CUX1: variants seen among roughly 807,000 people sequenced by gnomAD.
CUX1 encodes cut like homeobox 1.
In CUX1, 31 loss-of-function variants were observed where a neutral mutation model predicts 158.8. The ratio of observed to expected loss-of-function variants is 0.20; its 90% CI spans 0.15 to 0.26. The LOEUF is 0.26. CUX1 is among the 10% of genes least tolerant of loss of function. The pLI is 1.00. For synonymous variants in CUX1, 879 were observed against 862.1 expected (o/e 1.02, Z -0.34); for missense variants, 1,589 against 2,014.6 (o/e 0.79, Z 4.04).
At chr7:102,168,310 G>A (rs1370491925) in intron 9 of CUX1, among the ~76,000 whole-genome samples, 5 of 152,084 alleles carry the variant, frequency 3.3e-5, no homozygotes, top group Non-Finnish European at 5.9e-5. Context: ...GGCAAGGCAG[G>A]CGGCCACCAG....
At chr7:102,279,771 G>C (rs782344291) in intron 18 of CUX1, among the ~76,000 whole-genome samples, 17 of 152,242 alleles carry the variant, frequency 1.1e-4, no homozygotes, top group Admixed American at 2.6e-4. Flanking sequence ...AGCTGCGCCC[G>C]GCCCTGCCTG....
At chr7:101,871,263 TGAG>T (rs1465179721) in intron 1 of CUX1, among the ~76,000 whole-genome samples, 1 of 151,740 alleles carries the variant, frequency 6.6e-6, no homozygotes, top group Non-Finnish European at 1.5e-5. Context: ...GGTCCTGTAG[TGAG>T]GACTAAGAAG....
chr7:102,232,535 G>A (rs1799117336), intron 21 of CUX1, among the ~76,000 whole-genome samples: 1 of 152,092 alleles, frequency 6.6e-6, no homozygotes, highest in Non-Finnish European at 1.5e-5. Flanking sequence ...ACTTTATGGG[G>A]TCAAACGCTG....
chr7:101,999,102 G>A (rs1278529243), intron 2 of CUX1, among the ~76,000 whole-genome samples: 1 of 152,144 alleles, frequency 6.6e-6, no homozygotes, highest in Non-Finnish European at 1.5e-5. Flanking sequence ...CACTGCAGCA[G>A]GAGGGGCCAC....
intron 11 of CUX1, among the ~76,000 whole-genome samples, chr7:102,184,620 C>T (rs1554514785): frequency 4.6e-5 from 7 of 152,304 alleles, no homozygotes; most frequent in African/African-American, 2.4e-5. Context: ...GTAAAGCCCA[C>T]GTGTGTTCCT....
intron 2 of CUX1, among the ~76,000 whole-genome samples, chr7:101,936,771 C>T (rs1563032557): frequency 6.6e-6 from 1 of 152,152 alleles, no homozygotes; most frequent in East Asian, 1.9e-4. Flanking sequence ...GCCCTGGCCA[C>T]GTGGGACCGG....
intron 3 of CUX1, among the ~76,000 whole-genome samples, chr7:102,039,726 G>GC (rs764982628): frequency 1.3e-5 from 2 of 151,030 alleles, no homozygotes; most frequent in South Asian, 4.2e-4. Flanking sequence ...CCTGCCTGAA[G>GC]CCCCCTTCCC....
chr7:102,269,621 G>A (rs996863619), intron 14 of CUX1, among the ~76,000 whole-genome samples: 1 of 121,918 alleles, frequency 8.2e-6, no homozygotes. Context: ...ACGAGTTTTC[G>A]CCATGTTGGC....
intron 2 of CUX1, among the ~76,000 whole-genome samples, chr7:102,015,706 T>C (rs113598861): frequency 2.6e-5 from 4 of 152,348 alleles, no homozygotes; most frequent in African/African-American, 9.6e-5. Context: ...TTATAAAAGT[T>C]CGTGGCTCCT....
At chr7:102,046,553 T>G (rs1380673638) in intron 3 of CUX1, among the ~76,000 whole-genome samples, 1 of 148,870 alleles carries the variant, frequency 6.7e-6, no homozygotes, top group Non-Finnish European at 1.5e-5. Flanking sequence ...TCCTGTTCTG[T>G]TTTGGTTTGG....
chr7:101,888,278 C>T (rs1800471210), intron 1 of CUX1, among the ~76,000 whole-genome samples: 1 of 152,032 alleles, frequency 6.6e-6, no homozygotes, highest in South Asian at 2.1e-4. Flanking sequence ...TTGTAGTGAG[C>T]CGAGATCGTG....
chr7:101,934,527 G>A (rs921031499), intron 2 of CUX1, among the ~76,000 whole-genome samples: 1 of 152,148 alleles, frequency 6.6e-6, no homozygotes, highest in African/African-American at 2.4e-5. Flanking sequence ...AGGGTTTCAC[G>A]AATCTGACTT....
chr7:102,280,313 C>G (rs368472556), intron 19 of CUX1, among the ~76,000 whole-genome samples: 2 of 152,130 alleles, frequency 1.3e-5, no homozygotes, highest in Non-Finnish European at 2.9e-5. Flanking sequence ...GGCCAGGAGC[C>G]CCCCCAAGAC....
At chr7:102,009,304 T>C (rs1466395186) in intron 2 of CUX1, among the ~76,000 whole-genome samples, 1 of 152,116 alleles carries the variant, frequency 6.6e-6, no homozygotes, top group Non-Finnish European at 1.5e-5. Context: ...ACCGCACAAA[T>C]GATGGTGTTA....
chr7:102,173,450 T>G (rs115009702), intron 10 of CUX1, among the ~76,000 whole-genome samples: 2,299 of 152,342 alleles, frequency 0.015, 47 homozygotes, highest in African/African-American at 0.051. Context: ...TCATACTTCA[T>G]GGACTCTGGA....
chr7:102,093,647 G>A (rs117150368), intron 4 of CUX1, among the ~76,000 whole-genome samples: 1 of 152,134 alleles, frequency 6.6e-6, no homozygotes, highest in African/African-American at 2.4e-5. Context: ...AGATAATATT[G>A]CGTGCACTTA....
At chr7:102,260,263 AT>A (rs1451417671), downstream of CUX1, among the ~76,000 whole-genome samples, 7 of 148,420 alleles carry the variant, frequency 4.7e-5, no homozygotes, top group African/African-American at 1.7e-4. Context: ...CGCCTGGCTA[AT>A]TTTTTGCAGA....
intron 2 of CUX1, among the ~76,000 whole-genome samples, chr7:101,952,813 G>A (rs1236748201): frequency 2.6e-5 from 4 of 152,160 alleles, no homozygotes; most frequent in African/African-American, 4.8e-5. Flanking sequence ...GCCTCTGCCC[G>A]TTGCCTTTTC....
intron 2 of CUX1, among the ~76,000 whole-genome samples, chr7:101,989,157 T>C (rs1814750775): frequency 6.6e-6 from 1 of 152,014 alleles, no homozygotes; most frequent in African/African-American, 2.4e-5. Flanking sequence ...GCCCCCTTCC[T>C]TCCTATTCCC....
Sources: gnomAD v4.1 joint callset for allele counts (sites outside exome capture counted in the v4.1 genomes callset) on GRCh38, gnomAD v4.1.1 for gene constraint, MANE v1.5 for transcripts, NCBI Gene and HGNC (gene_info 2026-07-23, HGNC 2026-07-21) for gene names.